Variants in GPC6 observed in about 807,000 individuals in gnomAD.
The protein encoded by GPC6 is glypican 6.
A neutral mutation model predicts 55.2 loss-of-function variants in GPC6; 14 were observed. The observed-to-expected ratio is 0.25, with a 90% confidence interval of 0.17 to 0.40. The LOEUF (loss-of-function observed/expected upper bound fraction) is 0.40. GPC6 is among the 10% of genes least tolerant of loss of function. The pLI, the probability that GPC6 is intolerant of heterozygous loss-of-function variation, is 1.00. For synonymous variants in GPC6, 278 were observed against 259.6 expected, an observed-to-expected ratio of 1.07 and a Z score of -0.68; for missense variants, 641 against 708.5, an observed-to-expected ratio of 0.90 and a Z score of 1.08.
chr13:94,319,834 A>G (rs368234154), intron 6 of GPC6, among the ~76,000 whole-genome samples: 108 of 152,226 alleles, frequency 7.1e-4, no homozygotes, highest in Admixed American at 1.8e-3. Context: ...ATTTCGTCAT[A>G]ATGTGTAGGT....
intron 3 of GPC6, among the ~76,000 whole-genome samples, chr13:93,900,015 A>G (rs1232057480): frequency 6.6e-6 from 1 of 152,138 alleles, no homozygotes; most frequent in Non-Finnish European, 1.5e-5. Context: ...CATCACTTTT[A>G]CTTCTGAAAA....
At chr13:94,265,368 G>A (rs1179415935) in intron 4 of GPC6, among the ~76,000 whole-genome samples, 2 of 152,162 alleles carry the variant, frequency 1.3e-5, no homozygotes, top group East Asian at 3.9e-4. Context: ...AGGGCAGGAA[G>A]CATCCAGCAT....
chr13:94,245,004 C>A (rs545259631), intron 4 of GPC6, among the ~76,000 whole-genome samples: 1 of 152,084 alleles, frequency 6.6e-6, no homozygotes, highest in Non-Finnish European at 1.5e-5. Context: ...CACATCTTCA[C>A]TTATTCCCTG....
intron 3 of GPC6, among the ~76,000 whole-genome samples, chr13:93,843,844 A>C (rs1393762421): frequency 6.6e-6 from 1 of 152,164 alleles, no homozygotes; most frequent in Non-Finnish European, 1.5e-5. Flanking sequence ...CATTTAGCTC[A>C]GTGCTTAGCT....
At chr13:94,025,620 A>G (rs1882867854) in intron 3 of GPC6, 1 of 152,188 alleles carries the variant, frequency 6.6e-6, no homozygotes, top group Non-Finnish European at 1.5e-5. Flanking sequence ...TATCTACAAA[A>G]TAGCCTGTCT....
intron 1 of GPC6, among the ~76,000 whole-genome samples, chr13:93,444,498 G>A (rs559727010): frequency 1.3e-5 from 2 of 152,094 alleles, no homozygotes; most frequent in Admixed American, 1.3e-4. Flanking sequence ...TCCCAGCTAC[G>A]CGGGAGACTG....
At chr13:93,231,332 T>TATAC in intron 1 of GPC6, among the ~76,000 whole-genome samples, 3 of 32,064 alleles carry the variant, frequency 9.4e-5, no homozygotes, top group East Asian at 2.5e-3. Context: ...TATATATACG[T>TATAC]ATATATATAT....
intron 3 of GPC6, among the ~76,000 whole-genome samples, chr13:93,834,652 A>G (rs1434459492): frequency 2.0e-5 from 3 of 152,160 alleles, no homozygotes; most frequent in African/African-American, 7.2e-5. Context: ...TTTTAATGAA[A>G]TAAATTAAGA....
At chr13:94,260,363 C>T (rs1891621849) in intron 4 of GPC6, among the ~76,000 whole-genome samples, 1 of 152,144 alleles carries the variant, frequency 6.6e-6, no homozygotes, top group South Asian at 2.1e-4. Context: ...ACTGGAGTGG[C>T]TTAAACAACA....
chr13:93,612,278 T>C (rs1229637326), intron 2 of GPC6, among the ~76,000 whole-genome samples: 2 of 152,160 alleles, frequency 1.3e-5, no homozygotes, highest in Non-Finnish European at 2.9e-5. Context: ...GGCGTGCGGA[T>C]CACGAGTTCA....
chr13:93,522,411 T>C (rs1044786480), intron 1 of GPC6, among the ~76,000 whole-genome samples: 1 of 152,000 alleles, frequency 6.6e-6, no homozygotes, highest in African/African-American at 2.4e-5. Flanking sequence ...GAATTCACCA[T>C]TGAACTAGTT....
At chr13:93,342,624 T>C (rs567850349) in intron 1 of GPC6, among the ~76,000 whole-genome samples, 2 of 152,216 alleles carry the variant, frequency 1.3e-5, no homozygotes, top group South Asian at 4.2e-4. Flanking sequence ...ATAGGAGTTA[T>C]TGGAAGTAAG....
chr13:94,242,517 G>A (rs1461086699), intron 4 of GPC6, among the ~76,000 whole-genome samples: 2 of 152,040 alleles, frequency 1.3e-5, no homozygotes, highest in Non-Finnish European at 2.9e-5. Context: ...GTGATAGACT[G>A]GATTAAGAAA....
At chr13:93,359,362 C>G (rs1880966887) in intron 1 of GPC6, among the ~76,000 whole-genome samples, 1 of 152,134 alleles carries the variant, frequency 6.6e-6, no homozygotes, top group African/African-American at 2.4e-5. Flanking sequence ...TCTGTTACCT[C>G]AAGGAGGCCA....
chr13:94,137,881 A>G (rs1327552961), intron 4 of GPC6, among the ~76,000 whole-genome samples: 1 of 152,220 alleles, frequency 6.6e-6, no homozygotes, highest in East Asian at 1.9e-4. Context: ...TTAATCTGAT[A>G]AACTTAGGAT....
At chr13:93,308,916 A>G (rs1346355814) in intron 1 of GPC6, among the ~76,000 whole-genome samples, 1 of 152,228 alleles carries the variant, frequency 6.6e-6, no homozygotes, top group African/African-American at 2.4e-5. Context: ...TCATAATTGA[A>G]TAATTTATCC....
intron 1 of GPC6, among the ~76,000 whole-genome samples, chr13:93,525,591 G>C (rs1881614664): frequency 6.6e-6 from 1 of 151,984 alleles, no homozygotes; most frequent in Admixed American, 6.6e-5. Context: ...CTGAGCACTC[G>C]AAGTGGAAAA....
intron 4 of GPC6, among the ~76,000 whole-genome samples, chr13:94,135,037 T>C (rs1201887752): frequency 6.6e-6 from 1 of 152,184 alleles, no homozygotes; most frequent in Non-Finnish European, 1.5e-5. Flanking sequence ...TTGCCTCTCA[T>C]AAAATCTAAC....
chr13:93,658,171 C>T (rs773658053), intron 2 of GPC6, among the ~76,000 whole-genome samples: 11 of 151,924 alleles, frequency 7.2e-5, no homozygotes, highest in Non-Finnish European at 1.5e-4. Flanking sequence ...ATATTTCCAT[C>T]ACCCCTTAAA....
Sources: gnomAD v4.1 joint callset for allele counts (sites outside exome capture counted in the v4.1 genomes callset) on GRCh38, gnomAD v4.1.1 for gene constraint, MANE v1.5 for transcripts, NCBI Gene and HGNC (gene_info 2026-07-23, HGNC 2026-07-21) for gene names.